Variants in GFRA1 observed in about 807,000 individuals in gnomAD.
The protein encoded by GFRA1 is GDNF family receptor alpha 1.
GFRA1 carries 16 observed loss-of-function variants against 51.6 expected under a neutral mutation model. The observed-to-expected ratio is 0.31, with a 90% confidence interval of 0.21 to 0.47. The LOEUF (loss-of-function observed/expected upper bound fraction) is 0.47. GFRA1 is among the 20% of genes least tolerant of loss of function. GFRA1 has a pLI of 1.00. For synonymous variants in GFRA1, 270 were observed against 241.3 expected (o/e 1.12, Z -1.10); for missense variants, 530 against 594.3 (o/e 0.89, Z 1.13).
chr10:116,132,298 C>T (rs974112381), intron 5 of GFRA1, among the ~76,000 whole-genome samples: 1 of 152,032 alleles, frequency 6.6e-6, no homozygotes, highest in African/African-American at 2.4e-5. Context: ...TGTGCTGAAG[C>T]GTTTAGGGGC....
intron 5 of GFRA1, among the ~76,000 whole-genome samples, chr10:116,136,458 C>T (rs928099327): frequency 4.6e-5 from 7 of 152,154 alleles, no homozygotes; most frequent in East Asian, 1.9e-4. Flanking sequence ...GTGAGCCAGC[C>T]GAGTAACAAA....
chr10:116,199,398 T>C (rs1964154408), intron 5 of GFRA1, among the ~76,000 whole-genome samples: 1 of 152,194 alleles, frequency 6.6e-6, no homozygotes, highest in South Asian at 2.1e-4. Context: ...GCTCTCTTTA[T>C]GTAAAGGACT....
chr10:116,139,792 G>T (rs1958485859), intron 5 of GFRA1, among the ~76,000 whole-genome samples: 1 of 152,230 alleles, frequency 6.6e-6, no homozygotes, highest in East Asian at 1.9e-4. Flanking sequence ...AGCAGCAGTG[G>T]ATTCCTGCTC....
chr10:116,086,864 C>A (rs1956122358), intron 9 of GFRA1, among the ~76,000 whole-genome samples: 1 of 152,184 alleles, frequency 6.6e-6, no homozygotes, highest in South Asian at 2.1e-4. Flanking sequence ...GTCACCCAGG[C>A]CAGAGTGCAG....
chr10:116,165,632 GTC>G (rs915512621), intron 5 of GFRA1, among the ~76,000 whole-genome samples: 11 of 144,794 alleles, frequency 7.6e-5, no homozygotes, highest in African/African-American at 2.9e-4. Flanking sequence ...CTCTGTCTCT[GTC>G]TCTCTCTTTC....
chr10:116,195,084 A>G (rs1963618165), intron 5 of GFRA1, among the ~76,000 whole-genome samples: 1 of 152,218 alleles, frequency 6.6e-6, no homozygotes. Flanking sequence ...TTATTTACAA[A>G]AATAGGTGGT....
At chr10:116,122,551 T>G (rs1167231766) in intron 6 of GFRA1, among the ~76,000 whole-genome samples, 2 of 152,196 alleles carry the variant, frequency 1.3e-5, no homozygotes, top group African/African-American at 4.8e-5. Context: ...CTCCCAGCTA[T>G]TCTCACTACA....
In GFRA1 at chr10:116,064,277, T is replaced by A; in HGVS notation, c.*121A>T. 1.2e-6 allele frequency: 1 copy of A among 839,170 alleles called. No individual in the cohort carries two copies. Among genetic ancestry groups the A allele is most frequent in the Non-Finnish European group, 1.9e-6 (1 of 524,220 alleles). The allele number at this position is 839,170 out of a possible 1,614,324, so 52.0% of individuals were successfully genotyped here. ...AAAGGAAAAAAAAAAAATGTTCCAGTTGAATGGAACTGTTTCTCAACTGAG... is the reference window on the plus strand; with the variant it reads ...AAAGGAAAAAAAAAAAATGTTCCAGATGAATGGAACTGTTTCTCAACTGAG... On this transcript the variant is annotated 3_prime_UTR_variant, in exon 11 of 11. Coordinates refer to ENST00000355422, the MANE Select transcript of GFRA1 (RefSeq NM_005264.8).
intron 5 of GFRA1, among the ~76,000 whole-genome samples, chr10:116,166,872 A>T (rs1353543574): frequency 4.7e-5 from 6 of 126,722 alleles, no homozygotes; most frequent in South Asian, 2.6e-4. Flanking sequence ...CGATCTCGGC[A>T]CACTGCAAGC....
Position 116,269,496 on chromosome 10 carries a change from T to C in GFRA1, c.418+7A>G, listed in dbSNP as rs781433718. On this transcript the variant is annotated splice_region_variant and intron_variant, in intron 4 of 10. Coordinates refer to ENST00000355422, the MANE Select transcript of GFRA1 (RefSeq NM_005264.8). ...AGGCATCAGCATGGAAGTATAAATC[T>C]GCTTACCTGATATGAATGGGACCAC... 2.0e-6 allele frequency: 3 copies of C among 1,528,802 alleles called. No individual in the cohort carries two copies. In the South Asian group the frequency reaches 3.4e-5, roughly 17 times the overall value. The allele number at this position is 1,528,802 out of a possible 1,614,324, so 94.7% of individuals were successfully genotyped here. A position where few individuals can be genotyped will look rare whatever the true frequency, so the allele number is the denominator to read the frequency against.
At position 116,142,265 on chromosome 10, in the gene GFRA1, G is replaced by A. The variant is rs1958604342; in HGVS notation, c.434-16708C>T. Among the ~76,000 whole-genome samples the A allele has an allele frequency of 2.6e-5, 4 of 152,262 alleles. No individual in the cohort carries two copies. In the South Asian group the frequency reaches 8.3e-4, roughly 32 times the overall value. ...GTGTTGTGTTTTAATCTCAAAGGAG[G>A]TTTTGCCTGCAGTCCTTGAAAGCCA... On this transcript the variant is annotated intron_variant, in intron 5 of 10. Coordinates refer to ENST00000355422, the MANE Select transcript of GFRA1 (RefSeq NM_005264.8).
intron 5 of GFRA1, among the ~76,000 whole-genome samples, chr10:116,157,304 G>T (rs1182375573): frequency 6.6e-6 from 1 of 152,126 alleles, no homozygotes; most frequent in Non-Finnish European, 1.5e-5. Flanking sequence ...TTCTTTTAAG[G>T]GCCTAATACT....
At chr10:116,188,584 A>G (rs1470358127) in intron 5 of GFRA1, among the ~76,000 whole-genome samples, 2 of 152,052 alleles carry the variant, frequency 1.3e-5, no homozygotes, top group South Asian at 2.1e-4. Context: ...ATGCCACTGA[A>G]TTGTCCACTC....
rs367803854 is a variant in GFRA1 at position 116,147,895 on chromosome 10, G to A, written c.434-22338C>T. Among the ~76,000 whole-genome samples the A allele has an allele frequency of 4.7e-5, 7 of 148,674 alleles. No homozygotes were observed. In the Middle Eastern group the frequency reaches 0.014, roughly 289 times the overall value. ...ACCCCAGTGGAGGTGTCAGAAAGCC[G>A]CAGGTGGCTTTTTTTTGGAATACAA... On this transcript the variant is annotated intron_variant, in intron 5 of 10. Transcript: ENST00000355422.
intron 6 of GFRA1, among the ~76,000 whole-genome samples, chr10:116,122,361 T>C (rs1957682273): frequency 6.6e-6 from 1 of 152,154 alleles, no homozygotes; most frequent in Non-Finnish European, 1.5e-5. Context: ...ACAAGGGCTG[T>C]CTGCTTCCTG....
chr10:116,104,717 C>T (rs1956944673), intron 6 of GFRA1, among the ~76,000 whole-genome samples: 1 of 152,172 alleles, frequency 6.6e-6, no homozygotes, highest in African/African-American at 2.4e-5. Flanking sequence ...CCCGAAGCCA[C>T]CTTGCATGAA....
At chr10:116,213,594 CTAAG>C (rs772731488) in intron 4 of GFRA1, among the ~76,000 whole-genome samples, 1 of 152,194 alleles carries the variant, frequency 6.6e-6, no homozygotes, top group Non-Finnish European at 1.5e-5. Context: ...ATCTTAAAAA[CTAAG>C]TAGGAACTAT....
intron 4 of GFRA1, among the ~76,000 whole-genome samples, chr10:116,244,373 A>T (rs1294755715): frequency 6.8e-6 from 1 of 147,060 alleles, no homozygotes; most frequent in African/African-American, 2.5e-5. Flanking sequence ...TTAATAATTA[A>T]AATTTAATTT....
chr10:116,135,304 A>G (rs1237811845), intron 5 of GFRA1, among the ~76,000 whole-genome samples: 2 of 152,242 alleles, frequency 1.3e-5, no homozygotes, highest in Non-Finnish European at 2.9e-5. Context: ...TATAAATCAT[A>G]CAATGATCAA....
Sources: gnomAD v4.1 joint callset for allele counts (sites outside exome capture counted in the v4.1 genomes callset) on GRCh38, gnomAD v4.1.1 for gene constraint, MANE v1.5 for transcripts, NCBI Gene and HGNC (gene_info 2026-07-23, HGNC 2026-07-21) for gene names.